The following RBFOX1 variants were observed in gnomAD, a reference collection of about 807,000 sequenced individuals.
The protein encoded by RBFOX1 is RNA binding protein fox-1 homolog 1.
RBFOX1 carries 8 observed loss-of-function variants against 57.7 expected under a neutral mutation model. That is an observed-to-expected ratio of 0.14 (90% CI 0.08 to 0.25). The LOEUF (loss-of-function observed/expected upper bound fraction) is 0.25. RBFOX1 is among the 10% of genes least tolerant of loss of function. The pLI is 1.00. For missense variants in RBFOX1, 611 were observed against 548.5 expected (o/e 1.11, Z -1.14); for synonymous variants, 326 against 222.4 (o/e 1.47, Z -4.15).
intron 2 of RBFOX1, among the ~76,000 whole-genome samples, chr16:5,477,626 A>G (rs551792227): frequency 1.3e-5 from 2 of 152,270 alleles, no homozygotes; most frequent in African/African-American, 4.8e-5. Context: ...TTTGATCCAT[A>G]GTCAGTATCT....
Position 6,693,269 on chromosome 16 carries a change from A to G in RBFOX1, c.-16+38619A>G, listed in dbSNP as rs111165026. 9.7e-3 allele frequency among the ~76,000 whole-genome samples: 1,467 copies of G among 150,916 alleles called. 24 individuals carry two copies. Among genetic ancestry groups the G allele is most frequent in the African/African-American group, 0.033 (1,373 of 41,040 alleles). Reference sequence around the variant, plus strand: ...ACCATCATCATCATCCTCATCCACTAACATCACCACCGTCATTAGCAACAT... The same window carrying G: ...ACCATCATCATCATCCTCATCCACTGACATCACCACCGTCATTAGCAACAT... On this transcript the variant is annotated intron_variant, in intron 3 of 15. Transcript: ENST00000550418.
At chr16:7,060,011 A>C (rs888859754) in intron 4 of RBFOX1, among the ~76,000 whole-genome samples, 12 of 152,216 alleles carry the variant, frequency 7.9e-5, no homozygotes, top group African/African-American at 2.4e-4. Flanking sequence ...AAAAGCCCTC[A>C]GAAATGTGGA....
intron 1 of RBFOX1, among the ~76,000 whole-genome samples, chr16:6,236,799 C>A (rs75694242): frequency 6.6e-6 from 1 of 151,780 alleles, no homozygotes; most frequent in Non-Finnish European, 1.5e-5. Flanking sequence ...TATGTCCACA[C>A]GTTTTAAAAA....
At chr16:5,766,408 A>G (rs1010756045) in intron 3 of RBFOX1, among the ~76,000 whole-genome samples, 1 of 152,244 alleles carries the variant, frequency 6.6e-6, no homozygotes, top group South Asian at 2.1e-4. Context: ...AACATGACGA[A>G]ACCTCGTCTC....
At chr16:5,270,908 T>G (rs771892386) in intron 1 of RBFOX1, 31 of 413,154 alleles carry the variant, frequency 7.5e-5, no homozygotes, top group South Asian at 5.0e-4. Context: ...CATGCTAAAG[T>G]TGAATGAGCT....
At chr16:6,853,932 G>T (rs1567567533) in intron 3 of RBFOX1, among the ~76,000 whole-genome samples, 1 of 152,160 alleles carries the variant, frequency 6.6e-6, no homozygotes, top group Non-Finnish European at 1.5e-5. Flanking sequence ...CTGGGTAGTA[G>T]CCTGCATGTC....
At chr16:7,640,233 C>G (rs911924025) in intron 11 of RBFOX1, among the ~76,000 whole-genome samples, 3 of 152,148 alleles carry the variant, frequency 2.0e-5, no homozygotes, top group Admixed American at 6.6e-5. Context: ...TTAACCAATT[C>G]CAAGAAAGAA....
intron 4 of RBFOX1, among the ~76,000 whole-genome samples, chr16:7,063,966 C>T (rs2055266866): frequency 6.6e-6 from 1 of 152,056 alleles, no homozygotes; most frequent in Non-Finnish European, 1.5e-5. Flanking sequence ...CACCAAGGTC[C>T]ATGGATATGG....
At chr16:5,330,753 A>G (rs1015766920) in intron 1 of RBFOX1, among the ~76,000 whole-genome samples, 7 of 151,048 alleles carry the variant, frequency 4.6e-5, no homozygotes, top group Admixed American at 2.0e-4. Context: ...CACAGCAGAC[A>G]AGGAGCATCA....
chr16:5,989,214 C>T (rs888870709), intron 4 of RBFOX1, among the ~76,000 whole-genome samples: 2 of 151,364 alleles, frequency 1.3e-5, no homozygotes, highest in East Asian at 1.9e-4. Context: ...GCCTGTAGTC[C>T]CAGCTGCTCG....
At chr16:5,261,549 G>GTTTTTTTTTT (rs4047465) in intron 1 of RBFOX1, among the ~76,000 whole-genome samples, 1 of 120,506 alleles carries the variant, frequency 8.3e-6, no homozygotes, top group Non-Finnish European at 1.7e-5. Context: ...TGTGTGTATG[G>GTTTTTTTTTT]TTTTTTTTTT....
At chr16:6,254,836 C>G (rs1445247566) in intron 1 of RBFOX1, among the ~76,000 whole-genome samples, 1 of 152,156 alleles carries the variant, frequency 6.6e-6, no homozygotes, top group African/African-American at 2.4e-5. Flanking sequence ...CTCATGTCCT[C>G]TTTCCTGCCC....
intron 5 of RBFOX1, among the ~76,000 whole-genome samples, chr16:7,579,540 G>C (rs1243290338): frequency 2.0e-5 from 3 of 152,118 alleles, no homozygotes; most frequent in Non-Finnish European, 4.4e-5. Context: ...TGCTCCCTGA[G>C]GGCAGGGATT....
chr16:5,355,402 G>A (rs191725812), intron 1 of RBFOX1, among the ~76,000 whole-genome samples: 2 of 152,274 alleles, frequency 1.3e-5, no homozygotes, highest in Admixed American at 6.5e-5. Flanking sequence ...TGTCTGCATC[G>A]TGAAGCCTGA....
chr16:7,007,537 G>C (rs1414805098), intron 3 of RBFOX1, among the ~76,000 whole-genome samples: 1 of 152,102 alleles, frequency 6.6e-6, no homozygotes, highest in African/African-American at 2.4e-5. Flanking sequence ...TGGGTATCTT[G>C]GGGAAGTGGG....
intron 2 of RBFOX1, among the ~76,000 whole-genome samples, chr16:6,566,093 C>T (rs1394753876): frequency 6.6e-6 from 1 of 152,102 alleles, no homozygotes; most frequent in African/African-American, 2.4e-5. Flanking sequence ...AGGTGTTATC[C>T]CAAAGTAATG....
intron 1 of RBFOX1, among the ~76,000 whole-genome samples, chr16:6,195,234 T>C (rs367569501): frequency 6.6e-6 from 1 of 152,232 alleles, no homozygotes; most frequent in Non-Finnish European, 1.5e-5. Context: ...TCTTTCATCT[T>C]GGCAATGTTT....
intron 4 of RBFOX1, among the ~76,000 whole-genome samples, chr16:7,122,557 A>C (rs1040829245): frequency 6.6e-6 from 1 of 152,322 alleles, no homozygotes; most frequent in East Asian, 1.9e-4. Context: ...AAGATAAAAA[A>C]AATTGACAAG....
chr16:5,736,233 G>A (rs140532398), intron 3 of RBFOX1, among the ~76,000 whole-genome samples: 30 of 152,284 alleles, frequency 2.0e-4, no homozygotes, highest in South Asian at 6.2e-4. Flanking sequence ...TGAACCTGGC[G>A]TCCTGGAGAC....
Sources: gnomAD v4.1 joint callset for allele counts (sites outside exome capture counted in the v4.1 genomes callset) on GRCh38, gnomAD v4.1.1 for gene constraint, MANE v1.5 for transcripts, NCBI Gene and HGNC (gene_info 2026-07-23, HGNC 2026-07-21) for gene names.